The following RPS6KC1 variants were observed in gnomAD, a reference collection of about 807,000 sequenced individuals.
The protein encoded by RPS6KC1 is inactive ribosomal protein S6 kinase delta-1.
In RPS6KC1, 54 loss-of-function variants were observed where a neutral mutation model predicts 103.8. The observed-to-expected ratio is 0.52, with a 90% confidence interval of 0.42 to 0.65. RPS6KC1 has a LOEUF of 0.65. RPS6KC1 is among the 30% of genes least tolerant of loss of function. The pLI, the probability that RPS6KC1 is intolerant of heterozygous loss-of-function variation, is 0.00. For missense variants in RPS6KC1, 1,151 were observed against 1,253.8 expected, an observed-to-expected ratio of 0.92 and a Z score of 1.24; for synonymous variants, 439 against 438.7, an observed-to-expected ratio of 1.00 and a Z score of -0.01.
the RPS6KC1 span, among the ~76,000 whole-genome samples, chr1:213,432,860 A>G: frequency 6.6e-6 from 1 of 152,082 alleles, no homozygotes; most frequent in East Asian, 1.9e-4. Context: ...CATTGTATGA[A>G]TGTACTACAA....
At chr1:213,496,443 C>T in the RPS6KC1 span, among the ~76,000 whole-genome samples, 7 of 152,012 alleles carry the variant, frequency 4.6e-5, no homozygotes, top group South Asian at 1.5e-3. Flanking sequence ...GAGTGAAAGG[C>T]AGAGATCAGA....
the RPS6KC1 span, among the ~76,000 whole-genome samples, chr1:213,676,885 T>A: frequency 6.6e-6 from 1 of 152,234 alleles, no homozygotes; most frequent in Non-Finnish European, 1.5e-5. Flanking sequence ...AGCTTTTAAA[T>A]ACAGGAGGCT....
Position 213,051,461 on chromosome 1 carries a change from G to C in RPS6KC1, c.57G>C (p.Glu19Asp), listed in dbSNP as rs373786068. The change falls in exon 1 of 15, where the codon GAG becomes GAC. Residue 19 changes from glutamate to aspartate, a missense_variant. By Grantham distance (45) the Glu-to-Asp change is conservative (BLOSUM62 2). Coordinates refer to ENST00000366960, the MANE Select transcript of RPS6KC1 (RefSeq NM_012424.6). Reference sequence around the variant, plus strand: ...TGGCCCGTTTCTACACTGTCACCGAGCCCCAGCGACACCCGAGGGGCTACA... The same window carrying C: ...TGGCCCGTTTCTACACTGTCACCGACCCCCAGCGACACCCGAGGGGCTACA... The part of the protein sequence containing the change: ...ADLARFYTVT[E>D]PQRHPRGYTV... 142 of 1,613,538 alleles carry C rather than the reference G, an allele frequency of 8.8e-5. No individual in the cohort carries two copies. Among genetic ancestry groups the C allele is most frequent in the Non-Finnish European group, 1.2e-4 (136 of 1,179,862 alleles).
the RPS6KC1 span, among the ~76,000 whole-genome samples, chr1:213,799,895 C>T: frequency 2.0e-5 from 3 of 151,776 alleles, no homozygotes; most frequent in Non-Finnish European, 4.4e-5. Context: ...CTTTTTTTTC[C>T]CTCAAAGTTC....
At chr1:213,650,702 G>A in the RPS6KC1 span, among the ~76,000 whole-genome samples, 1 of 152,068 alleles carries the variant, frequency 6.6e-6, no homozygotes, top group African/African-American at 2.4e-5. Context: ...GAGCCCATCA[G>A]CTCATCTCCC....
At chr1:213,716,164 G>A in the RPS6KC1 span, among the ~76,000 whole-genome samples, 3 of 152,096 alleles carry the variant, frequency 2.0e-5, no homozygotes, top group East Asian at 1.9e-4. Context: ...TATTTAAATA[G>A]GAGTTTCTCA....
chr1:213,612,450 G>T, the RPS6KC1 span, among the ~76,000 whole-genome samples: 3 of 152,222 alleles, frequency 2.0e-5, no homozygotes, highest in Non-Finnish European at 4.4e-5. Context: ...CCCAAGTATA[G>T]TCTCAGTGGC....
the RPS6KC1 span, among the ~76,000 whole-genome samples, chr1:213,590,774 GT>G: frequency 6.6e-6 from 1 of 152,130 alleles, no homozygotes; most frequent in Non-Finnish European, 1.5e-5. Flanking sequence ...CAGCCGGGTG[GT>G]GGTGGCGGCG....
the RPS6KC1 span, among the ~76,000 whole-genome samples, chr1:213,755,696 G>A: frequency 6.6e-5 from 10 of 152,220 alleles, no homozygotes; most frequent in Non-Finnish European, 1.0e-4. Flanking sequence ...CACCCTGAGT[G>A]TGGCTGCTCA....
intron 3 of RPS6KC1, among the ~76,000 whole-genome samples, chr1:213,086,031 C>G (rs1322534689): frequency 6.6e-6 from 1 of 151,996 alleles, no homozygotes; most frequent in African/African-American, 2.4e-5. Context: ...TTCAAGGAAC[C>G]CTAGTTGCTT....
At chr1:213,089,242 A>C (rs972107201) in intron 3 of RPS6KC1, among the ~76,000 whole-genome samples, 4 of 152,216 alleles carry the variant, frequency 2.6e-5, no homozygotes, top group Non-Finnish European at 4.4e-5. Context: ...TTGGGAGTTC[A>C]TGAACTCTTA....
chr1:213,375,020 T>TACACATACAC, the RPS6KC1 span, among the ~76,000 whole-genome samples: 302 of 151,572 alleles, frequency 2.0e-3, no homozygotes, highest in African/African-American at 6.8e-3. Context: ...CACACATACA[T>TACACATACAC]ACACATACAC....
the RPS6KC1 span, among the ~76,000 whole-genome samples, chr1:213,664,205 T>C: frequency 3.0e-3 from 133 of 44,704 alleles, no homozygotes; most frequent in Admixed American, 4.5e-3. Flanking sequence ...GGGGGCGGGG[T>C]GGGGAGGGGA....
At chr1:213,168,228 C>T (rs2091168264) in intron 7 of RPS6KC1, among the ~76,000 whole-genome samples, 1 of 152,170 alleles carries the variant, frequency 6.6e-6, no homozygotes, top group South Asian at 2.1e-4. Context: ...TGTAGATTGA[C>T]AGTAATTTAT....
the RPS6KC1 span, among the ~76,000 whole-genome samples, chr1:213,723,490 G>C: frequency 1.3e-5 from 2 of 151,950 alleles, no homozygotes; most frequent in African/African-American, 4.8e-5. Context: ...GTGGTATATG[G>C]GTGTTTCCTA....
chr1:213,613,918 A>G, the RPS6KC1 span, among the ~76,000 whole-genome samples: 1 of 152,176 alleles, frequency 6.6e-6, no homozygotes, highest in African/African-American at 2.4e-5. Context: ...GACAACAGGC[A>G]TTTTTCACAG....
chr1:213,228,935 G>A (rs1286614823), intron 8 of RPS6KC1, among the ~76,000 whole-genome samples: 1 of 152,084 alleles, frequency 6.6e-6, no homozygotes, highest in Non-Finnish European at 1.5e-5. Flanking sequence ...TATTCAGAAG[G>A]TGCTCAGTGT....
chr1:213,187,257 T>C (rs565210378), intron 8 of RPS6KC1, among the ~76,000 whole-genome samples: 2 of 150,844 alleles, frequency 1.3e-5, no homozygotes, highest in African/African-American at 2.4e-5. Context: ...CTTCTTTTTT[T>C]TTTTTTTTTG....
the RPS6KC1 span, among the ~76,000 whole-genome samples, chr1:213,462,346 G>A: frequency 6.6e-6 from 1 of 152,184 alleles, no homozygotes; most frequent in Non-Finnish European, 1.5e-5. Flanking sequence ...GGAAGACAGT[G>A]TGGCAATTCC....
Sources: allele counts gnomAD v4.1 joint callset (sites outside exome capture counted in the v4.1 genomes callset), GRCh38; gene constraint gnomAD v4.1.1; transcripts MANE v1.5; gene names NCBI Gene and HGNC (gene_info 2026-07-23, HGNC 2026-07-21).